Variants in ARFGEF1 observed in about 807,000 individuals in gnomAD.
ARFGEF1 encodes ARF guanine nucleotide exchange factor 1.
ARFGEF1 carries 42 observed loss-of-function variants against 231.0 expected under a neutral mutation model. The ratio of observed to expected loss-of-function variants is 0.18; its 90% CI spans 0.14 to 0.24. The LOEUF (loss-of-function observed/expected upper bound fraction) is 0.24, where lower values mean the gene tolerates loss of function less well. ARFGEF1 is among the 10% of genes least tolerant of loss of function. ARFGEF1 has a pLI of 1.00. For missense variants in ARFGEF1, 1,345 were observed against 2,192.0 expected, an observed-to-expected ratio of 0.61 and a Z score of 7.72; for synonymous variants, 710 against 732.3, an observed-to-expected ratio of 0.97 and a Z score of 0.49.
chr8:67,261,752 C>T (rs1804630936), intron 14 of ARFGEF1, among the ~76,000 whole-genome samples: 1 of 152,174 alleles, frequency 6.6e-6, no homozygotes, highest in African/African-American at 2.4e-5. Flanking sequence ...ATGATCCTCC[C>T]ACCTTGGCTT....
chr8:67,197,683 C>A lies in ARFGEF1; in HGVS notation c.*1251G>T. 1.0e-6 allele frequency: 1 copy of A among 985,746 alleles called. No homozygotes were observed. 61.1% of individuals were successfully genotyped at this position (985,746 alleles called of 1,614,324 possible). ...TTTTGATTGCACTGATGAAATAATT[C>A]AAAAACTTTATTGACCTATAACCTG... On this transcript the variant is annotated 3_prime_UTR_variant, in exon 39 of 39. Coordinates refer to ENST00000262215, the MANE Select transcript of ARFGEF1 (RefSeq NM_006421.5).
intron 9 of ARFGEF1, among the ~76,000 whole-genome samples, chr8:67,274,006 C>T (rs1805208939): frequency 6.6e-6 from 1 of 152,104 alleles, no homozygotes; most frequent in South Asian, 2.1e-4. Context: ...AACAAAATAT[C>T]TTGTACACTG....
At chr8:67,294,248 G>A (rs183960574) in intron 5 of ARFGEF1, among the ~76,000 whole-genome samples, 7 of 152,232 alleles carry the variant, frequency 4.6e-5, no homozygotes, top group Admixed American at 3.3e-4. Flanking sequence ...TGGTATCCAT[G>A]GGAGGGCCCT....
intron 6 of ARFGEF1, among the ~76,000 whole-genome samples, chr8:67,290,766 G>A (rs1446343096): frequency 6.6e-6 from 1 of 152,164 alleles, no homozygotes; most frequent in Non-Finnish European, 1.5e-5. Flanking sequence ...GGGCAGGCTA[G>A]ACAAATGTAA....
intron 5 of ARFGEF1, among the ~76,000 whole-genome samples, chr8:67,185,840 C>T (rs1334513904): frequency 5.3e-5 from 8 of 152,028 alleles, no homozygotes; most frequent in Non-Finnish European, 1.2e-4. Flanking sequence ...AAAGTCAAAT[C>T]AGAATGGAAA....
At chr8:67,328,517 G>C (rs1231470953) in intron 1 of ARFGEF1, among the ~76,000 whole-genome samples, 1 of 152,126 alleles carries the variant, frequency 6.6e-6, no homozygotes, top group Non-Finnish European at 1.5e-5. Flanking sequence ...TTATGCTTCA[G>C]AAAATGAGTT....
chr8:67,293,220 C>T (rs117523281), intron 5 of ARFGEF1, among the ~76,000 whole-genome samples: 8 of 152,190 alleles, frequency 5.3e-5, no homozygotes, highest in Admixed American at 3.3e-4. Context: ...TAACACAATA[C>T]ATGTTCATAG....
At chr8:67,184,437 C>G (rs573483559) in intron 5 of ARFGEF1, among the ~76,000 whole-genome samples, 24 of 152,108 alleles carry the variant, frequency 1.6e-4, no homozygotes, top group Non-Finnish European at 2.8e-4. Flanking sequence ...ATTACTAATA[C>G]CAGAAACAGG....
At chr8:67,203,962 C>T (rs2129577361) in intron 35 of ARFGEF1, among the ~76,000 whole-genome samples, 1 of 152,316 alleles carries the variant, frequency 6.6e-6, no homozygotes, top group East Asian at 1.9e-4. Flanking sequence ...TCTCCACTCA[C>T]TCAAAAACAT....
intron 34 of ARFGEF1, among the ~76,000 whole-genome samples, chr8:67,205,381 T>C (rs532317980): frequency 6.6e-6 from 1 of 152,328 alleles, no homozygotes; most frequent in South Asian, 2.1e-4. Flanking sequence ...TCCAAGACAA[T>C]TCTTCTTCCA....
chr8:67,262,096 T>C (rs540840057), intron 14 of ARFGEF1, among the ~76,000 whole-genome samples: 7 of 152,306 alleles, frequency 4.6e-5, no homozygotes, highest in African/African-American at 1.7e-4. Context: ...GATACTTCTG[T>C]TGAATCTGGG....
chr8:67,213,312 A>C (rs889470620), intron 33 of ARFGEF1, among the ~76,000 whole-genome samples: 3 of 152,208 alleles, frequency 2.0e-5, no homozygotes, highest in Non-Finnish European at 4.4e-5. Context: ...ACAAATTTGA[A>C]AAGACCTGTA....
At chr8:67,264,403 G>A (rs577025164) in intron 14 of ARFGEF1, among the ~76,000 whole-genome samples, 1 of 152,128 alleles carries the variant, frequency 6.6e-6, no homozygotes, top group East Asian at 1.9e-4. Flanking sequence ...CTAACTCCCA[G>A]GATTTTAGCT....
Position 67,203,083 on chromosome 8 carries a change from C to T in ARFGEF1, c.5128G>A (p.Gly1710Arg). ...TAAATGTGAGGCGTGTGCAGCTTAC[C>T]TGCTTTCCACAGGGCAGTCCTCTGT... ...NEQRTALWKA[G>R]FKGKSKPNLL... Residue 1710 changes from glycine (G) to arginine (R), a missense_variant and splice_region_variant, in exon 36 of 39, where the codon GGA becomes AGA. Physicochemically the swap from Gly to Arg is moderately radical, Grantham distance 125. Transcript: ENST00000262215. The T allele has an allele frequency of 1.2e-6, 2 of 1,611,538 alleles. No homozygotes were observed. Among genetic ancestry groups the T allele is most frequent in the Non-Finnish European group, 1.7e-6 (2 of 1,178,862 alleles).
Position 67,276,128 on chromosome 8 carries a change from C to G in ARFGEF1, c.1204-19G>C. 2 of 1,611,250 alleles carry G rather than the reference C, an allele frequency of 1.2e-6. No individual in the cohort carries two copies. The highest frequency in any genetic ancestry group is 1.7e-6 in the Non-Finnish European group (2 of 1,178,458). On this transcript the variant is annotated intron_variant, in intron 8 of 38. Transcript: ENST00000262215. ...CAGATTCCTAAACAAGTTAACATACCATGAAAATTTTAGAGATATTTGCCA... is the reference window on the plus strand; with the variant it reads ...CAGATTCCTAAACAAGTTAACATACGATGAAAATTTTAGAGATATTTGCCA...
intron 27 of ARFGEF1, 35 bp downstream of exon 27, chr8:67,227,102 T>C (rs896024312): frequency 2.6e-6 from 4 of 1,545,952 alleles, no homozygotes; most frequent in Non-Finnish European, 3.5e-6. Context: ...TTTTTTTTTT[T>C]CCTTTTACTT....
chr8:67,189,108 C>T (rs1489280777), intron 5 of ARFGEF1, among the ~76,000 whole-genome samples: 1 of 152,196 alleles, frequency 6.6e-6, no homozygotes, highest in Non-Finnish European at 1.5e-5. Context: ...GCATTCAAAA[C>T]ACTGACACCA....
chr8:67,264,473 C>T (rs558271090), intron 14 of ARFGEF1, among the ~76,000 whole-genome samples: 13 of 152,134 alleles, frequency 8.5e-5, no homozygotes, highest in African/African-American at 2.6e-4. Context: ...AAATAACAGG[C>T]TTCTCTATTT....
chr8:67,191,013 T>C (rs551530975), intron 5 of ARFGEF1, among the ~76,000 whole-genome samples: 11 of 152,184 alleles, frequency 7.2e-5, no homozygotes, highest in Non-Finnish European at 1.0e-4. Flanking sequence ...CAACCTTCCT[T>C]CTTCTCCTGC....
Sources: allele counts gnomAD v4.1 joint callset (sites outside exome capture counted in the v4.1 genomes callset), GRCh38; gene constraint gnomAD v4.1.1; transcripts MANE v1.5; gene names NCBI Gene and HGNC (gene_info 2026-07-23, HGNC 2026-07-21).